The following AFDN variants were observed in gnomAD, a reference collection of about 807,000 sequenced individuals.
AFDN encodes the protein afadin.
Under a neutral mutation model 216.6 loss-of-function variants are expected in AFDN, and 68 were observed. The ratio of observed to expected loss-of-function variants is 0.31; its 90% CI spans 0.26 to 0.38. AFDN has a LOEUF of 0.38. AFDN is among the 10% of genes least tolerant of loss of function. The pLI, the probability that AFDN is intolerant of heterozygous loss-of-function variation, is 1.00. For synonymous variants in AFDN, 868 were observed against 853.7 expected (o/e 1.02, Z -0.29); for missense variants, 2,136 against 2,342.0 (o/e 0.91, Z 1.82).
rs985089832 is a variant in AFDN, at chr6:167,954,556, G to A, written c.4833+2369G>A. 7.3e-5 allele frequency: 108 copies of A among 1,480,112 alleles called. 1 individual carries two copies. The highest frequency in any genetic ancestry group is 1.4e-5 in the African/African-American group (1 of 70,898). 91.7% of individuals were successfully genotyped at this position (1,480,112 alleles called of 1,614,324 possible). On this transcript the variant is annotated intron_variant, in intron 30 of 33. Transcript: ENST00000683244. ...TGTCTTGATTTTCTTTTCTTTCAGT[G>A]GTGGCTGTTTGATGTTTTCAGTAGA...
At chr6:167,882,714 G>C (rs921632944) in intron 6 of AFDN, among the ~76,000 whole-genome samples, 6 of 152,148 alleles carry the variant, frequency 3.9e-5, no homozygotes, top group Non-Finnish European at 8.8e-5. Context: ...AATACTGCTA[G>C]AATCTCTCAG....
intron 2 of AFDN, among the ~76,000 whole-genome samples, chr6:167,866,719 A>C (rs1386605311): frequency 6.6e-6 from 1 of 152,202 alleles, no homozygotes; most frequent in African/African-American, 2.4e-5. Flanking sequence ...TTACAGCGTT[A>C]CGGAAAACCC....
Position 167,844,849 on chromosome 6 carries a change from C to CTTTTTTTTTT in AFDN, c.105+17624_105+17633dup, listed in dbSNP as rs67495555. Among the ~76,000 whole-genome samples the CTTTTTTTTTT allele has an allele frequency of 5.8e-3, 735 of 127,628 alleles. 3 individuals carry two copies. Among genetic ancestry groups the CTTTTTTTTTT allele is most frequent in the East Asian group, 0.01 (44 of 4,210 alleles). The allele number at this position is 127,628 out of a possible 152,430, so 83.7% of individuals were successfully genotyped here. On this transcript the variant is annotated intron_variant, in intron 1 of 33. Coordinates refer to ENST00000683244, the MANE Select transcript of AFDN (RefSeq NM_001386888.1). ...TTGAGAATGAGCATCCTTTTCTTTT[C>CTTTTTTTTTT]TTTTTTTTTTTTTTTTTTTTTGGTT...
chr6:167,907,780 A>T (rs943389587), intron 13 of AFDN, among the ~76,000 whole-genome samples: 11 of 146,518 alleles, frequency 7.5e-5, no homozygotes, highest in Admixed American at 3.4e-4. Flanking sequence ...TGGAGGATGA[A>T]TTTTTTTTTT....
intron 31 of AFDN, chr6:167,964,464 CAAG>C: frequency 9.4e-7 from 1 of 1,065,396 alleles, no homozygotes; most frequent in Non-Finnish European, 1.1e-6. Flanking sequence ...TTTGTGTAGA[CAAG>C]AAGATGAGAG....
At chr6:167,915,085 C>A (rs1790877619) in intron 18 of AFDN, 83 bp from the exon 19 acceptor site, 2 of 1,412,006 alleles carry the variant, frequency 1.4e-6, no homozygotes, top group East Asian at 4.6e-5. Context: ...CCATAGGTAC[C>A]ATTATCTAAA....
At chr6:167,957,759 G>C (rs990475904) in intron 30 of AFDN, among the ~76,000 whole-genome samples, 1 of 73,868 alleles carries the variant, frequency 1.4e-5, no homozygotes, top group Admixed American at 1.4e-4. Flanking sequence ...CGTGACTGTG[G>C]CTGCAGCTTT....
At chr6:167,869,528 G>C (rs1463653794) in intron 2 of AFDN, among the ~76,000 whole-genome samples, 2 of 152,210 alleles carry the variant, frequency 1.3e-5, no homozygotes, top group Non-Finnish European at 2.9e-5. Context: ...CCTGGGGAAT[G>C]TAGCCTGAGT....
At chr6:167,872,502 G>T (rs1784900912) in intron 4 of AFDN, 125 bp downstream of exon 4, 1 of 1,051,112 alleles carries the variant, frequency 9.5e-7, no homozygotes, top group Non-Finnish European at 1.4e-6. Context: ...AAATGTGTTT[G>T]GGTCTACTCC....
chr6:167,891,845 C>T (rs1787657462), intron 8 of AFDN, among the ~76,000 whole-genome samples: 1 of 151,810 alleles, frequency 6.6e-6, no homozygotes. Context: ...CAGAGTGGTG[C>T]ACCCCCATCC....
chr6:167,874,248 A>G (rs1280783832), intron 4 of AFDN, among the ~76,000 whole-genome samples: 1 of 152,118 alleles, frequency 6.6e-6, no homozygotes, highest in East Asian at 1.9e-4. Flanking sequence ...AACCAAAACA[A>G]ACCAAAAGCT....
At chr6:167,916,842 A>T (rs565182942) in intron 19 of AFDN, among the ~76,000 whole-genome samples, 1 of 152,322 alleles carries the variant, frequency 6.6e-6, no homozygotes, top group South Asian at 2.1e-4. Context: ...CTTTACGAAC[A>T]TAAATCTAAT....
chr6:167,910,326 A>G (rs1346660631), intron 13 of AFDN, among the ~76,000 whole-genome samples: 1 of 152,272 alleles, frequency 6.6e-6, no homozygotes, highest in Non-Finnish European at 1.5e-5. Context: ...ACACTGTTTG[A>G]AGAATATTTT....
intron 31 of AFDN, chr6:167,963,351 G>T: frequency 9.4e-7 from 1 of 1,059,922 alleles, no homozygotes; most frequent in South Asian, 4.6e-5. Context: ...GAGAGAAGCT[G>T]CTCTTCTCTG....
chr6:167,892,332 G>A (rs895049335), intron 8 of AFDN, among the ~76,000 whole-genome samples: 3 of 152,202 alleles, frequency 2.0e-5, no homozygotes, highest in Admixed American at 6.5e-5. Context: ...TGTCTATAAT[G>A]TGTGTGAGAG....
chr6:167,921,087 T>C (rs1791735171), intron 21 of AFDN, among the ~76,000 whole-genome samples: 1 of 152,254 alleles, frequency 6.6e-6, no homozygotes, highest in South Asian at 2.1e-4. Flanking sequence ...GTATGTTCAG[T>C]GCTCAGTAAC....
intron 28 of AFDN, 131 bp from the exon 29 acceptor site, chr6:167,948,162 T>A: frequency 1.2e-6 from 1 of 844,502 alleles, no homozygotes; most frequent in Non-Finnish European, 1.8e-6. Context: ...TTATTCTCAG[T>A]ATGGATCAAA....
intron 9 of AFDN, among the ~76,000 whole-genome samples, chr6:167,895,548 T>C (rs577597814): frequency 6.6e-6 from 1 of 152,200 alleles, no homozygotes; most frequent in South Asian, 2.1e-4. Flanking sequence ...CTTTACTCGA[T>C]GTCACAGATT....
rs763769037 is a variant in AFDN, at chr6:167,970,392, T to C, written c.*457T>C. 1.3e-5 allele frequency: 3 copies of C among 224,864 alleles called. No individual in the cohort carries two copies. Among genetic ancestry groups the C allele is most frequent in the Non-Finnish European group, 1.8e-5 (2 of 113,680 alleles). 13.9% of individuals were successfully genotyped at this position (224,864 alleles called of 1,614,324 possible). ...GAACTATTCAGACTATTGTTGGCACTGTTTAGTAGTGACCACACGCTCTTC... is the reference window on the plus strand; with the variant it reads ...GAACTATTCAGACTATTGTTGGCACCGTTTAGTAGTGACCACACGCTCTTC... On this transcript the variant is annotated 3_prime_UTR_variant, in exon 34 of 34. Transcript: ENST00000683244.
Sources: allele counts gnomAD v4.1 joint callset (sites outside exome capture counted in the v4.1 genomes callset), GRCh38; gene constraint gnomAD v4.1.1; transcripts MANE v1.5; gene names NCBI Gene and HGNC (gene_info 2026-07-23, HGNC 2026-07-21).